TGFB3: variants seen among roughly 807,000 people sequenced by gnomAD.
The protein encoded by TGFB3 is transforming growth factor beta 3.
In TGFB3, 5 loss-of-function variants were observed where a neutral mutation model predicts 40.1. The ratio of observed to expected loss-of-function variants is 0.12; its 90% CI spans 0.07 to 0.26. The LOEUF is 0.26. TGFB3 is among the 10% of genes least tolerant of loss of function. The pLI is 1.00. For missense variants in TGFB3, 373 were observed against 530.1 expected, an observed-to-expected ratio of 0.70 and a Z score of 2.91; for synonymous variants, 184 against 205.6, an observed-to-expected ratio of 0.89 and a Z score of 0.90.
In TGFB3 at chr14:75,971,741, G is replaced by A; in HGVS notation, c.353-23C>T. 6.2e-7 allele frequency: 1 copy of A among 1,613,774 alleles called. No individual in the cohort carries two copies. On this transcript the variant is annotated intron_variant, in intron 1 of 6. Transcript: ENST00000238682. The surrounding 1 kb of genome is among the most constrained non-coding windows in gnomAD (Gnocchi z 4.5). Reference sequence around the variant, plus strand: ...CGTCTAGGAGATAAAGCAGAGCAGAGGGCACAGCATGAGCGAGACATGCAG... The same window carrying A: ...CGTCTAGGAGATAAAGCAGAGCAGAAGGCACAGCATGAGCGAGACATGCAG...
chr14:75,968,364 G>A (rs772066854), intron 3 of TGFB3, among the ~76,000 whole-genome samples: 31 of 144,782 alleles, frequency 2.1e-4, no homozygotes, highest in Non-Finnish European at 3.8e-4. Context: ...TGAACTGAAG[G>A]TTCCAATGAA....
At position 75,980,412 on chromosome 14, in the gene TGFB3, T is replaced by C; in HGVS notation, c.352+130A>G. ...AGCCCCAACGGAGGAGCATCGCACA[T>C]CCTGAGCCTTGGTGCTGGTGAATCC... On this transcript the variant is annotated intron_variant, in intron 1 of 6. Transcript: ENST00000238682. The surrounding 1 kb of genome is among the most constrained non-coding windows in gnomAD (Gnocchi z 4.3). 1.0e-6 allele frequency: 1 copy of C among 962,722 alleles called. No homozygotes were observed. Among genetic ancestry groups the C allele is most frequent in the Non-Finnish European group, 1.7e-6 (1 of 603,110 alleles). The allele number at this position is 962,722 out of a possible 1,614,324, so 59.6% of individuals were successfully genotyped here. A position where few individuals can be genotyped will look rare whatever the true frequency, so the allele number is the denominator to read the frequency against.
rs890216325 is a variant in TGFB3, at chr14:75,978,238, C to T, written c.352+2304G>A. Among the ~76,000 whole-genome samples, 3 of 152,018 alleles carry T rather than the reference C, an allele frequency of 2.0e-5. No individual in the cohort carries two copies. The highest frequency in any genetic ancestry group is 2.1e-4 in the South Asian group (1 of 4,828). ...CTGGCATTGAGACCCTGCTGTGCCC[C>T]ACCACAGACCTGGTGTCACCCCTGT... On this transcript the variant is annotated intron_variant, in intron 1 of 6. Transcript: ENST00000238682. This position sits in a 1 kb window ranked among gnomAD's most constrained non-coding sequence, Gnocchi z 5.0.
At chr14:75,960,125 G>T (rs372334859) in intron 6 of TGFB3, 2 of 151,896 alleles carry the variant, frequency 1.3e-5, no homozygotes, top group African/African-American at 4.8e-5. Flanking sequence ...TACATTTTTG[G>T]TAGAGACAGG....
At position 75,979,225 on chromosome 14, in the gene TGFB3, G is replaced by A. The variant is rs1368964791; in HGVS notation, c.352+1317C>T. Among the ~76,000 whole-genome samples the A allele has an allele frequency of 3.9e-5, 6 of 152,282 alleles. No individual in the cohort carries two copies. Among genetic ancestry groups the A allele is most frequent in the South Asian group, 4.1e-4 (2 of 4,826 alleles). On this transcript the variant is annotated intron_variant, in intron 1 of 6. Coordinates refer to ENST00000238682, the MANE Select transcript of TGFB3 (RefSeq NM_003239.5). The surrounding 1 kb of genome is among the most constrained non-coding windows in gnomAD (Gnocchi z 4.8). The stretch of plus-strand genomic sequence containing the variant: ...AGGCTCCTCTGCCTGGCGTGGAGCC[G>A]TGAACGGGGCCTTTGCACCTCCAGC...
Position 75,964,666 on chromosome 14 carries a change from C to T in TGFB3, c.754+922G>A, listed in dbSNP as rs190175396. Reference sequence around the variant, plus strand: ...TAAGATAAATGAGAGACCTGGATCACAAATCCCTTTTTCTGAAAATCTTTA... The same window carrying T: ...TAAGATAAATGAGAGACCTGGATCATAAATCCCTTTTTCTGAAAATCTTTA... On this transcript the variant is annotated intron_variant, in intron 4 of 6. Transcript: ENST00000238682. 1.4e-3 allele frequency among the ~76,000 whole-genome samples: 210 copies of T among 152,282 alleles called. 3 individuals are homozygous for T. In the South Asian group the frequency reaches 0.028, roughly 20 times the overall value.
chr14:75,965,829 C>A, intron 3 of TGFB3, 134 bp from the exon 4 acceptor site: 1 of 780,662 alleles, frequency 1.3e-6, no homozygotes, highest in Non-Finnish European at 2.3e-6. Context: ...TTGAGGGTCA[C>A]AGGAGACAGA....
rs1319193134 is a variant in TGFB3 at position 75,980,504 on chromosome 14, C to T, written c.352+38G>A. ...CAGAGCTCCCAGCTCCAGTTCAGAC[C>T]CTCCAGAGCAGACACCCCAGCGAGA... On this transcript the variant is annotated intron_variant, in intron 1 of 6. Coordinates refer to ENST00000238682, the MANE Select transcript of TGFB3 (RefSeq NM_003239.5). This position sits in a 1 kb window ranked among gnomAD's most constrained non-coding sequence, Gnocchi z 4.3. 1.9e-6 allele frequency: 3 copies of T among 1,603,286 alleles called. No individual in the cohort carries two copies. Among genetic ancestry groups the T allele is most frequent in the African/African-American group, 1.3e-5 (1 of 74,834 alleles).
At chr14:75,982,525 C>T (rs1017737639), upstream of TGFB3, among the ~76,000 whole-genome samples, 5 of 152,198 alleles carry the variant, frequency 3.3e-5, no homozygotes, top group African/African-American at 9.7e-5. This position sits in a 1 kb window ranked among gnomAD's most constrained non-coding sequence, Gnocchi z 4.0. Context: ...TTGACAAGAT[C>T]GGAGTCGGGA....
At chr14:75,974,779 AAAGAAG>A (rs1555361013) in intron 1 of TGFB3, among the ~76,000 whole-genome samples, 4 of 148,334 alleles carry the variant, frequency 2.7e-5, no homozygotes, top group African/African-American at 7.4e-5. Flanking sequence ...AAAAAAAAAA[AAAGAAG>A]AAGAAGAAGA....
chr14:75,965,716 A>G, intron 3 of TGFB3, 21 bp from the exon 4 acceptor site: 1 of 1,595,124 alleles, frequency 6.3e-7, no homozygotes. Flanking sequence ...AGACAGAATT[A>G]GTGAGAAAAG....
chr14:75,960,727 G>C, intron 6 of TGFB3, 196 bp downstream of exon 6: 1 of 678,048 alleles, frequency 1.5e-6, no homozygotes, highest in Non-Finnish European at 2.5e-6. Context: ...TGAAACTATG[G>C]TAGGAATTTA....
chr14:75,972,021 G>A (rs1004264503), intron 1 of TGFB3, among the ~76,000 whole-genome samples: 7 of 152,164 alleles, frequency 4.6e-5, no homozygotes, highest in Admixed American at 2.6e-4. Flanking sequence ...TTTCCAACCC[G>A]TTTTTCCTAC....
rs1566682634 is a variant in TGFB3, at chr14:75,971,453, T to A, written c.516+102A>T. 1 of 1,565,578 alleles carries A rather than the reference T, an allele frequency of 6.4e-7. No individual in the cohort carries two copies. Among genetic ancestry groups the A allele is most frequent in the Non-Finnish European group, 8.7e-7 (1 of 1,150,310 alleles). On this transcript the variant is annotated intron_variant, in intron 2 of 6. Transcript: ENST00000238682. The surrounding 1 kb of genome is among the most constrained non-coding windows in gnomAD (Gnocchi z 4.5). ...AAACGAAGGCTCAGAGAAGCCAGGA[T>A]TCAAACCCAGGTCTGCCAAACGCTG...
At chr14:75,973,418 G>A (rs1379041097) in intron 1 of TGFB3, among the ~76,000 whole-genome samples, 1 of 152,244 alleles carries the variant, frequency 6.6e-6, no homozygotes, top group Non-Finnish European at 1.5e-5. Context: ...GCTGTCTAAT[G>A]AAGCCCTGAT....
intron 3 of TGFB3, chr14:75,966,096 AG>A: frequency 3.0e-6 from 1 of 328,798 alleles, no homozygotes; most frequent in Non-Finnish European, 5.9e-6. Flanking sequence ...GGGATCGTTG[AG>A]CCAATCTACT....
In TGFB3 at chr14:75,971,336, G is replaced by C. The variant is rs952899563; in HGVS notation, c.517-81C>G. On this transcript the variant is annotated intron_variant, in intron 2 of 6. Coordinates refer to ENST00000238682, the MANE Select transcript of TGFB3 (RefSeq NM_003239.5). The surrounding 1 kb of genome is among the most constrained non-coding windows in gnomAD (Gnocchi z 4.5). ...ATGTCACAATGCAGAGCACAGGTGAGGGAGCGATAGGAAACCAGTGGTTCC... is the reference window on the plus strand; with the variant it reads ...ATGTCACAATGCAGAGCACAGGTGACGGAGCGATAGGAAACCAGTGGTTCC... 1.4e-5 allele frequency: 22 copies of C among 1,604,394 alleles called. No individual in the cohort carries two copies. In the African/African-American group the frequency reaches 2.9e-4, roughly 21 times the overall value.
At chr14:75,959,628 G>A (rs966289475) in intron 6 of TGFB3, among the ~76,000 whole-genome samples, 3 of 152,172 alleles carry the variant, frequency 2.0e-5, no homozygotes, top group Non-Finnish European at 2.9e-5. Flanking sequence ...AAAATTAGCT[G>A]GCTGTGGTGG....
At position 75,981,994 on chromosome 14, in the gene TGFB3, C is replaced by T. The variant is rs1276386975; in HGVS notation, c.-1101G>A. ...CACACACACACATGCACACACACTG[C>T]TTTCTCTATTTCTCTCTGCTGAAAT... is the stretch of plus-strand genomic sequence containing the variant. On this transcript the variant is annotated 5_prime_UTR_variant, in exon 1 of 7. Coordinates refer to ENST00000238682, the MANE Select transcript of TGFB3 (RefSeq NM_003239.5). This position sits in a 1 kb window ranked among gnomAD's most constrained non-coding sequence, Gnocchi z 4.7. 1.3e-5 allele frequency among the ~76,000 whole-genome samples: 2 copies of T among 151,964 alleles called. No homozygotes were observed. Among genetic ancestry groups the T allele is most frequent in the East Asian group, 1.9e-4 (1 of 5,156 alleles).
Sources: allele counts gnomAD v4.1 joint callset (sites outside exome capture counted in the v4.1 genomes callset), GRCh38; gene constraint gnomAD v4.1.1; non-coding constraint Gnocchi (gnomAD v3.1); transcripts MANE v1.5; gene names NCBI Gene and HGNC (gene_info 2026-07-23, HGNC 2026-07-21).